IFNL3: variants seen among roughly 807,000 people sequenced by gnomAD.
IFNL3 encodes interferon lambda 3.
Under a neutral mutation model 16.3 loss-of-function variants are expected in IFNL3, and 16 were observed. That is an observed-to-expected ratio of 0.98 (90% CI 0.67 to 1.50). The LOEUF (loss-of-function observed/expected upper bound fraction) is 1.50, where lower values mean the gene tolerates loss of function less well. Ranked by LOEUF, IFNL3 falls within the 40% of genes most tolerant of loss-of-function variation. The pLI, the probability that IFNL3 is intolerant of heterozygous loss-of-function variation, is 0.00. For synonymous variants in IFNL3, 115 were observed against 115.3 expected (o/e 1.00, Z 0.02); for missense variants, 254 against 253.5 (o/e 1.00, Z -0.01).
In IFNL3 at chr19:39,243,864, A is replaced by G. The variant is rs753869477; in HGVS notation, c.452T>C (p.Leu151Pro). The G allele has an allele frequency of 4.3e-6, 7 of 1,613,678 alleles. No individual in the cohort carries two copies. In the Admixed American group the frequency reaches 8.3e-5, roughly 19 times the overall value. Residue 151 changes from leucine (L) to proline (P), a missense_variant, in exon 4 of 5, where the codon CTC (leucine) becomes CCC (proline). Physicochemically the swap from Leu to Pro is moderately conservative, Grantham distance 98 (BLOSUM62 -3). Coordinates refer to ENST00000413851, the MANE Select transcript of IFNL3 (RefSeq NM_172139.4). ...PTAGPRTRGR[L>P]HHWLHRLQEA... ...CTGGAGCCGGTGCAGCCAATGGTGG[A>G]GGCGGCCCCGGGTCCTGGGCCCTGC...
rs779999777 is a variant in IFNL3 at position 39,244,102 on chromosome 19, A to G, written c.314T>C (p.Leu105Pro). Residue 105 changes from leucine to proline, a missense_variant, in exon 3 of 5, where the codon CTG (leucine) becomes CCG (proline). Transcript: ENST00000413851. ...TGGGTCAGTGTCAGCGGTGGCCTCC[A>G]GAACCTTCAGCGTCAGGGCCAGCTC... ...EAELALTLKV[L>P]EATADTDPAL... 1.2e-6 allele frequency: 2 copies of G among 1,614,214 alleles called. No individual in the cohort carries two copies. The highest frequency in any genetic ancestry group is 1.1e-5 in the South Asian group (1 of 91,086).
At chr19:39,244,531 G>A in intron 1 of IFNL3, 37 bp from the exon 2 acceptor site, 1 of 1,584,904 alleles carries the variant, frequency 6.3e-7, no homozygotes, top group East Asian at 2.2e-5. Context: ...CCAGCAGGAG[G>A]GGTGGAGGTT....
At position 39,244,405 on chromosome 19, in the gene IFNL3, T is replaced by TC. The variant is rs1282512532; in HGVS notation, c.258+11dup. 6.2e-7 allele frequency: 1 copy of TC among 1,608,456 alleles called. No individual in the cohort carries two copies. Among genetic ancestry groups the TC allele is most frequent in the Admixed American group, 1.7e-5 (1 of 59,220 alleles). On this transcript the variant is annotated intron_variant, in intron 2 of 4. Coordinates refer to ENST00000413851, the MANE Select transcript of IFNL3 (RefSeq NM_172139.4). ...CTGGGAGGGCAGGGGTGGGCCTGACTCCCCCTCTCACCTGCAGCTGCCTCA... is the reference window on the plus strand; with the variant it reads ...CTGGGAGGGCAGGGGTGGGCCTGACTCCCCCCTCTCACCTGCAGCTGCCTCA...
At position 39,244,935 on chromosome 19, in the gene IFNL3, C is replaced by T; in HGVS notation, c.33G>A (p.Leu11=). 6.2e-7 allele frequency: 1 copy of T among 1,614,016 alleles called. No individual in the cohort carries two copies. Among genetic ancestry groups the T allele is most frequent in the Non-Finnish European group, 8.5e-7 (1 of 1,179,882 alleles). The change falls in exon 1 of 5, where the codon CTG becomes CTA. Residue 11 remains leucine, a synonymous_variant. Coordinates refer to ENST00000413851, the MANE Select transcript of IFNL3 (RefSeq NM_172139.4). MTGDCMPVLV[L]MAAVLTVTGA... ...CAGTCACGGTCAGCACTGCGGCCAT[C>T]AGCACCAGCACTGGCATGCAGTCCC...
chr19:39,244,289 A>C, intron 2 of IFNL3, 128 bp downstream of exon 2: 4 of 1,479,212 alleles, frequency 2.7e-6, no homozygotes, highest in South Asian at 1.3e-5. Flanking sequence ...AGGTAGGAGC[A>C]GAGGGAAGGG....
intron 1 of IFNL3, 69 bp from the exon 2 acceptor site, chr19:39,244,563 A>T: frequency 6.6e-7 from 1 of 1,511,962 alleles, no homozygotes; most frequent in Non-Finnish European, 9.0e-7. Flanking sequence ...ATGGGATTGG[A>T]GGATGGCTGA....
chr19:39,244,380 C>A (rs376519075), intron 2 of IFNL3, 37 bp downstream of exon 2: 18 of 1,431,268 alleles, frequency 1.3e-5, no homozygotes, highest in Admixed American at 3.7e-5. Flanking sequence ...GTGAGCAGGG[C>A]TGGGAGGGCA....
rs201456689 is a variant in IFNL3, at chr19:39,244,020, C to G, written c.396G>C (p.Gln132His). Residue 132 changes from glutamine to histidine, a missense_variant, in exon 3 of 5, where the codon CAG (glutamine) becomes CAC (histidine). By Grantham distance (24) the Gln-to-His change is conservative. Transcript: ENST00000413851. ...CCTGACGACTCACACAGGCCCGGAG[C>G]TGGGAGAGGATATGGTGCAGGGTGT... ...PLHTLHHILS[Q>H]LRACIQPQPT... The G allele has an allele frequency of 7.4e-6, 12 of 1,613,906 alleles. No homozygotes were observed. The highest frequency in any genetic ancestry group is 6.7e-5 in the Admixed American group (4 of 59,996).
Position 39,243,713 on chromosome 19 carries a change from G to C in IFNL3, c.510C>G (p.Leu170=), listed in dbSNP as rs142437843. The C allele has an allele frequency of 6.1e-5, 99 of 1,610,740 alleles. No individual in the cohort carries two copies. In the African/African-American group the frequency reaches 1.1e-3, roughly 18 times the overall value. Residue 170 remains leucine (L), a synonymous_variant, in exon 5 of 5, where the codon CTC becomes CTG. Coordinates refer to ENST00000413851, the MANE Select transcript of IFNL3 (RefSeq NM_172139.4). The part of the protein sequence containing the change: ...EAPKKESPGC[L]EASVTFNLFR... ...AGAGGTTGAAGGTGACAGAGGCCTCGAGGCAGCCAGGGGACTCCTGTAGGG... is the reference window on the plus strand; with the variant it reads ...AGAGGTTGAAGGTGACAGAGGCCTCCAGGCAGCCAGGGGACTCCTGTAGGG...
At position 39,244,142 on chromosome 19, in the gene IFNL3, C is replaced by G. The variant is rs202184450; in HGVS notation, c.274G>C (p.Val92Leu). The G allele has an allele frequency of 9.9e-6, 16 of 1,613,448 alleles. No individual in the cohort carries two copies. In the South Asian group the frequency reaches 1.8e-4, roughly 18 times the overall value. The change falls in exon 3 of 5, where the codon GTG becomes CTG. Residue 92 changes from valine to leucine, a missense_variant. Transcript: ENST00000413851. ...LRQLQVRERP[V>L]ALEAELALTL... ...AGGGCCAGCTCAGCCTCCAAAGCCA[C>G]GGGGCGCTCCCTCACCTGAGGAGAG...
In IFNL3 at chr19:39,243,854, C is replaced by G. The variant is rs564496003; in HGVS notation, c.462G>C (p.Trp154Cys). 1 of 1,613,932 alleles carries G rather than the reference C, an allele frequency of 6.2e-7. No individual in the cohort carries two copies. The highest frequency in any genetic ancestry group is 1.3e-5 in the African/African-American group (1 of 75,058). ...GPRTRGRLHHWLHRLQEAPKK... is the reference protein window; with the variant it reads ...GPRTRGRLHHCLHRLQEAPKK... ...TTGGGGCCTCCTGGAGCCGGTGCAGCCAATGGTGGAGGCGGCCCCGGGTCC... is the reference window on the plus strand; with the variant it reads ...TTGGGGCCTCCTGGAGCCGGTGCAGGCAATGGTGGAGGCGGCCCCGGGTCC... The change falls in exon 4 of 5, where the codon TGG becomes TGC. Residue 154 changes from tryptophan (W) to cysteine (C), a missense_variant. Transcript: ENST00000413851.
chr19:39,243,703 C>T lies in IFNL3; in HGVS notation c.520G>A (p.Val174Ile), dbSNP rs2074925946. The change falls in exon 5 of 5, where the codon GTC becomes ATC. Residue 174 changes from valine to isoleucine, a missense_variant. Physicochemically the swap from Val to Ile is conservative, Grantham distance 29. Transcript: ENST00000413851. The stretch of plus-strand genomic sequence containing the variant: ...AGGAGGCGGAAGAGGTTGAAGGTGA[C>T]AGAGGCCTCGAGGCAGCCAGGGGAC... ...KESPGCLEAS[V>I]TFNLFRLLTR... 6.2e-7 allele frequency: 1 copy of T among 1,609,822 alleles called. No homozygotes were observed. The highest frequency in any genetic ancestry group is 1.1e-5 in the South Asian group (1 of 90,448).
chr19:39,244,226 G>C, intron 2 of IFNL3, 69 bp from the exon 3 acceptor site: 2 of 1,592,698 alleles, frequency 1.3e-6, no homozygotes, highest in East Asian at 2.2e-5. Context: ...GGAGGATAGA[G>C]AGGAACAAGT....
chr19:39,244,666 A>T, intron 1 of IFNL3, 122 bp downstream of exon 1: 1 of 1,386,094 alleles, frequency 7.2e-7, no homozygotes. Flanking sequence ...GGAGCATGAG[A>T]TAGCCCACTG....
chr19:39,244,010 AGGCCCGGAGCT>A lies in IFNL3; in HGVS notation c.395_405del (p.Gln132LeufsTer77), dbSNP rs1455676657. The A allele has an allele frequency of 6.2e-7, 1 of 1,613,404 alleles. No individual in the cohort carries two copies. The highest frequency in any genetic ancestry group is 1.3e-5 in the African/African-American group (1 of 74,906). ...GTGCCCGGGCCCTGACGACTCACAC[AGGCCCGGAGCT>A]GGGAGAGGATATGGTGCAGGGTGTG... On this transcript the variant is annotated frameshift_variant, in exon 3 of 5. Transcript: ENST00000413851. LOFTEE classifies it high-confidence loss of function.
chr19:39,244,914 C>T lies in IFNL3; in HGVS notation c.54G>A (p.Val18=). Residue 18 remains valine, a synonymous_variant, in exon 1 of 5, where the codon GTG becomes GTA. Transcript: ENST00000413851. ...VLVLMAAVLT[V]TGAVPVARLR... ...GCCTGGCGACAGGAACTGCTCCAGT[C>T]ACGGTCAGCACTGCGGCCATCAGCA... 2 of 1,614,000 alleles carry T rather than the reference C, an allele frequency of 1.2e-6. No homozygotes were observed. The highest frequency in any genetic ancestry group is 1.7e-6 in the Non-Finnish European group (2 of 1,179,874).
Position 39,244,056 on chromosome 19 carries a change from G to C in IFNL3, c.360C>G (p.Asp120Glu). Reference protein sequence around the residue: ...DTDPALGDVLDQPLHTLHHIL... With the variant: ...DTDPALGDVLEQPLHTLHHIL... ...TATGGTGCAGGGTGTGAAGGGGCTGGTCCAAGACATCCCCCAGGGCTGGGT... is the reference window on the plus strand; with the variant it reads ...TATGGTGCAGGGTGTGAAGGGGCTGCTCCAAGACATCCCCCAGGGCTGGGT... Residue 120 changes from aspartate to glutamate, a missense_variant, in exon 3 of 5, where the codon GAC (aspartate) becomes GAG (glutamate). Asp to Glu is a conservative substitution (Grantham distance 45). Coordinates refer to ENST00000413851, the MANE Select transcript of IFNL3 (RefSeq NM_172139.4). 2.5e-6 allele frequency: 4 copies of C among 1,614,200 alleles called. No homozygotes were observed. The highest frequency in any genetic ancestry group is 3.4e-6 in the Non-Finnish European group (4 of 1,180,028).
Position 39,243,577 on chromosome 19 carries a change from A to T in IFNL3, c.*55T>A. ...AATAGCGACTGGGTGACAATAAATT[A>T]AGCCAAGTGGCTAATTTATAAATAA... On this transcript the variant is annotated 3_prime_UTR_variant, in exon 5 of 5. Coordinates refer to ENST00000413851, the MANE Select transcript of IFNL3 (RefSeq NM_172139.4). The T allele has an allele frequency of 6.5e-7, 1 of 1,529,838 alleles. No individual in the cohort carries two copies. The highest frequency in any genetic ancestry group is 1.2e-5 in the South Asian group (1 of 83,488). The allele number at this position is 1,529,838 out of a possible 1,614,324, so 94.8% of individuals were successfully genotyped here. A position where few individuals can be genotyped will look rare whatever the true frequency, so the allele number is the denominator to read the frequency against.
rs1299689896 is a variant in IFNL3 at position 39,244,052 on chromosome 19, G to T, written c.364C>A (p.Pro122Thr). Residue 122 changes from proline (P) to threonine (T), a missense_variant, in exon 3 of 5, where the codon CCC becomes ACC. Physicochemically the swap from Pro to Thr is conservative, Grantham distance 38 (BLOSUM62 -1). Transcript: ENST00000413851. ...AGGATATGGTGCAGGGTGTGAAGGG[G>T]CTGGTCCAAGACATCCCCCAGGGCT... ...DPALGDVLDQ[P>T]LHTLHHILSQ... The T allele has an allele frequency of 6.2e-7, 1 of 1,614,228 alleles. No individual in the cohort carries two copies. Among genetic ancestry groups the T allele is most frequent in the South Asian group, 1.1e-5 (1 of 91,086 alleles).
Sources: gnomAD v4.1 joint callset for allele counts on GRCh38, gnomAD v4.1.1 for gene constraint, MANE v1.5 for transcripts, NCBI Gene and HGNC (gene_info 2026-07-23, HGNC 2026-07-21) for gene names.